CYBA: variants seen among roughly 807,000 people sequenced by gnomAD.
The protein encoded by CYBA is cytochrome b-245 light chain.
CYBA carries 21 observed loss-of-function variants against 20.8 expected under a neutral mutation model. The observed-to-expected ratio is 1.01, with a 90% confidence interval of 0.72 to 1.46. The LOEUF (loss-of-function observed/expected upper bound fraction) is 1.46. Ranked by LOEUF, CYBA falls within the 40% of genes most tolerant of loss-of-function variation. The probability of loss-of-function intolerance (pLI) is 0.00; values close to 1 mark genes in which losing one functional copy is unlikely to be tolerated. For missense variants in CYBA, 344 were observed against 287.0 expected (o/e 1.20, Z -1.43); for synonymous variants, 164 against 127.5 (o/e 1.29, Z -1.93).
intron 2 of CYBA, 27 bp downstream of exon 2, chr16:88,648,018 C>T (rs770085128): frequency 6.2e-7 from 1 of 1,605,506 alleles, no homozygotes; most frequent in Non-Finnish European, 8.5e-7. Context: ...CGTTCCCCGC[C>T]CACCCCAGCC....
In CYBA at chr16:88,646,842, G is replaced by A. The variant is rs377055239; in HGVS notation, c.204-4C>T. 34 of 1,611,756 alleles carry A rather than the reference G, an allele frequency of 2.1e-5. 1 individual carries two copies. Among genetic ancestry groups the A allele is most frequent in the Non-Finnish European group, 2.6e-5 (31 of 1,178,314 alleles). ...GGCGGTCATGTACTTCTGTCCCCTG[G>A]GGGAGGGAGGAAGGCGAGACGGCGC... On this transcript the variant is annotated splice_region_variant and splice_polypyrimidine_tract_variant and intron_variant, in intron 3 of 5. Coordinates refer to ENST00000261623, the MANE Select transcript of CYBA (RefSeq NM_000101.4).
intron 1 of CYBA, chr16:88,650,641 G>A (rs1305682484): frequency 5.4e-6 from 3 of 554,922 alleles, no homozygotes; most frequent in Non-Finnish European, 6.7e-6. Context: ...GGAAACCACC[G>A]GGGCTGAACC....
chr16:88,645,242 A>G (rs897020799), intron 5 of CYBA: 1 of 702,312 alleles, frequency 1.4e-6, no homozygotes, highest in African/African-American at 1.7e-5. Flanking sequence ...CCAGATGAGC[A>G]CTTGGCAACA....
chr16:88,646,280 ACAAAGTCTCAGGACAAGGCAGACTG>A, intron 4 of CYBA, 83 bp from the exon 5 acceptor site: 1 of 451,146 alleles, frequency 2.2e-6, no homozygotes, highest in South Asian at 3.3e-5. Context: ...GGCCAAGGCC[ACAAAGTCTCAGGACAAGGCAGACTG>A]CAGACCCAGG....
At chr16:88,646,462 C>G (rs538942543) in intron 4 of CYBA, 1 of 695,588 alleles carries the variant, frequency 1.4e-6, no homozygotes, top group East Asian at 2.7e-5. Context: ...ACACACAGCA[C>G]GGAACCCTCC....
At chr16:88,649,871 G>A (rs1428051365) in intron 1 of CYBA, among the ~76,000 whole-genome samples, 1 of 152,220 alleles carries the variant, frequency 6.6e-6, no homozygotes, top group African/African-American at 2.4e-5. Context: ...GGTGCCCTCA[G>A]TCCGTCTACT....
intron 1 of CYBA, among the ~76,000 whole-genome samples, chr16:88,649,119 A>G (rs1417124196): frequency 6.6e-6 from 1 of 150,540 alleles, no homozygotes; most frequent in East Asian, 2.0e-4. Flanking sequence ...TTGTATTTTT[A>G]GTAGAGACGG....
chr16:88,650,288 G>T (rs995577799), intron 1 of CYBA: 3 of 436,846 alleles, frequency 6.9e-6, no homozygotes, highest in Admixed American at 2.4e-5. Flanking sequence ...CCCTGGTCCC[G>T]AGAGGGTCCA....
chr16:88,648,863 C>T (rs1455676598), intron 1 of CYBA, among the ~76,000 whole-genome samples: 4 of 152,060 alleles, frequency 2.6e-5, no homozygotes, highest in Non-Finnish European at 4.4e-5. Flanking sequence ...AGGGAATCCG[C>T]CCGCCTTGGC....
At chr16:88,645,511 C>T in intron 5 of CYBA, 1 of 677,838 alleles carries the variant, frequency 1.5e-6, no homozygotes. Context: ...TGGCCTGCAG[C>T]CGTCTGTTCC....
Position 88,646,744 on chromosome 16 carries a change from C to G in CYBA, c.287+11G>C, listed in dbSNP as rs745863479. 6.2e-7 allele frequency: 1 copy of G among 1,611,616 alleles called. No individual in the cohort carries two copies. Among genetic ancestry groups the G allele is most frequent in the African/African-American group, 1.3e-5 (1 of 74,954 alleles). On this transcript the variant is annotated intron_variant, in intron 4 of 5. Coordinates refer to ENST00000261623, the MANE Select transcript of CYBA (RefSeq NM_000101.4). ...CCTGAGCCCTAGAGGGGGTGCGGGA[C>G]GGGGACTCACAGGAGATGCAGGACG...
intron 1 of CYBA, among the ~76,000 whole-genome samples, chr16:88,649,189 G>A (rs969723163): frequency 9.2e-5 from 14 of 152,130 alleles, no homozygotes; most frequent in South Asian, 4.1e-4. Flanking sequence ...CGCCCGCCTT[G>A]GCCTCCCAAA....
chr16:88,645,509 A>T, intron 5 of CYBA: 1 of 682,144 alleles, frequency 1.5e-6, no homozygotes, highest in Non-Finnish European at 2.7e-6. Context: ...GGTGGCCTGC[A>T]GCCGTCTGTT....
chr16:88,645,259 G>A (rs1322511013), intron 5 of CYBA: 3 of 702,304 alleles, frequency 4.3e-6, no homozygotes, highest in East Asian at 2.7e-5. Context: ...AACAGGAAGG[G>A]GTTCTAAAGG....
rs755407489 is a variant in CYBA at position 88,648,034 on chromosome 16, TG to T, written c.128+10del. 6.8e-6 allele frequency: 11 copies of T among 1,610,310 alleles called. No homozygotes were observed. The highest frequency in any genetic ancestry group is 3.3e-5 in the Admixed American group (2 of 59,768). Reference sequence around the variant, plus strand: ...GTTCCCCGCCCACCCCAGCCTCAGGTGGAAGGATACATGGAGTAGGCACCAA... The same window carrying T: ...GTTCCCCGCCCACCCCAGCCTCAGGTGAAGGATACATGGAGTAGGCACCAA... On this transcript the variant is annotated intron_variant, in intron 2 of 5. Transcript: ENST00000261623.
rs1005814663 is a variant in CYBA at position 88,647,913 on chromosome 16, C to T, written c.128+132G>A. ...CTGCTGGGGCCTGGGCTGCCCAACC[C>T]GTGCACAGCCCACCCTGTGTCCCAG... On this transcript the variant is annotated intron_variant, in intron 2 of 5. Transcript: ENST00000261623. 3.7e-5 allele frequency: 33 copies of T among 897,870 alleles called. No individual in the cohort carries two copies. The African/African-American group carries it at 3.8e-4, about 10-fold the overall frequency. The allele number at this position is 897,870 out of a possible 1,614,324, so 55.6% of individuals were successfully genotyped here. A position where few individuals can be genotyped will look rare whatever the true frequency, so the allele number is the denominator to read the frequency against.
chr16:88,645,067 T>G, intron 5 of CYBA: 2 of 656,116 alleles, frequency 3.0e-6, no homozygotes, highest in Admixed American at 4.2e-5. Flanking sequence ...GAGGAGCAGC[T>G]GAGCCCGGCA....
intron 1 of CYBA, chr16:88,650,568 A>G (rs1388465096): frequency 2.0e-6 from 1 of 495,808 alleles, no homozygotes. Context: ...ACCGAGGGGC[A>G]GGGGAGCTTC....
chr16:88,647,637 C>CCCA (rs1317462085), intron 2 of CYBA: 2 of 375,762 alleles, frequency 5.3e-6, no homozygotes, highest in Non-Finnish European at 1.0e-5. Flanking sequence ...CGCCCTCCCT[C>CCCA]CCACCACCCT....
Sources: allele counts gnomAD v4.1 joint callset (sites outside exome capture counted in the v4.1 genomes callset), GRCh38; gene constraint gnomAD v4.1.1; transcripts MANE v1.5; gene names NCBI Gene and HGNC (gene_info 2026-07-23, HGNC 2026-07-21).